Variants in PIM2 observed in about 807,000 individuals in gnomAD.
The protein encoded by PIM2 is serine/threonine-protein kinase pim-2.
A neutral mutation model predicts 18.0 loss-of-function variants in PIM2; 3 were observed. The observed-to-expected ratio is 0.17, with a 90% confidence interval of 0.08 to 0.43. The LOEUF is 0.43. PIM2 is among the 20% of genes least tolerant of loss of function. The probability of loss-of-function intolerance (pLI) is 0.99; values close to 1 mark genes in which losing one functional copy is unlikely to be tolerated. For missense variants in PIM2, 181 were observed against 260.8 expected (o/e 0.69, Z 2.11); for synonymous variants, 117 against 105.3 (o/e 1.11, Z -0.68).
At chrX:48,918,709 C>T in intron 1 of PIM2, 64 bp from the exon 2 acceptor site, 1 of 1,129,306 alleles carries the variant, frequency 8.9e-7, no homozygotes. Context: ...GACTCCCTCC[C>T]CCCGCGCTGC....
intron 3 of PIM2, chrX:48,915,710 T>G (rs988535517): frequency 1.5e-5 from 3 of 199,011 alleles, no homozygotes; most frequent in Admixed American, 7.3e-5. Context: ...CTGATGTGGG[T>G]GGATTGCTTG....
chrX:48,917,857 G>A (rs980893139), intron 2 of PIM2, 26 bp from the exon 3 acceptor site: 12 of 1,148,403 alleles, frequency 1.0e-5, no homozygotes, highest in Non-Finnish European at 1.4e-5. Flanking sequence ...GTGATAAGGA[G>A]GCCAGCAGGT....
Position 48,914,082 on chromosome X carries a change from A to C in PIM2, c.*49T>G, listed in dbSNP as rs782464088. ...GTCCATCTATCCCTGTGACATGGCC[A>C]TGGGATGGCTCTTCTGACCATTGGG... On this transcript the variant is annotated 3_prime_UTR_variant, in exon 6 of 6. Transcript: ENST00000376509. 1 of 786,356 alleles carries C rather than the reference A, an allele frequency of 1.3e-6. No individual in the cohort carries two copies. Among genetic ancestry groups the C allele is most frequent in the African/African-American group, 2.1e-5 (1 of 46,823 alleles). The allele number at this position is 786,356 out of a possible 1,213,427, so 64.8% of individuals were successfully genotyped here. A position where few individuals can be genotyped will look rare whatever the true frequency, so the allele number is the denominator to read the frequency against.
At chrX:48,918,707 C>G (rs1295247277) in intron 1 of PIM2, 62 bp from the exon 2 acceptor site, 2 of 1,124,187 alleles carry the variant, frequency 1.8e-6, no homozygotes, top group African/African-American at 3.6e-5. Context: ...ACGACTCCCT[C>G]CCCCCGCGCT....
Position 48,915,381 on chromosome X carries a change from G to T in PIM2, c.234C>A (p.Val78=). Residue 78 remains valine (V), a synonymous_variant, in exon 4 of 6, where the codon GTC becomes GTA. Coordinates refer to ENST00000376509, the MANE Select transcript of PIM2 (RefSeq NM_006875.4). ...VLGWSPLSDS[V]TCPLEVALLW... is the part of the protein sequence containing the mutation. ...GCAGTGCGACTTCGAGTGGGCATGT[G>T]ACTGAGTCTGACTGGGGGCACAGGT... 1.7e-6 allele frequency: 2 copies of T among 1,198,919 alleles called. No individual in the cohort carries two copies. Among genetic ancestry groups the T allele is most frequent in the Non-Finnish European group, 2.3e-6 (2 of 887,359 alleles).
intron 2 of PIM2, among the ~76,000 whole-genome samples, chrX:48,918,298 G>GCCCCCCCCCCCCCCCCCCC (rs11361543): frequency 4.0e-5 from 1 of 25,006 alleles, no homozygotes; most frequent in Non-Finnish European, 6.7e-5. Context: ...GAAGCCCCCT[G>GCCCCCCCCCCCCCCCCCCC]CCCCCCCCCC....
intron 3 of PIM2, among the ~76,000 whole-genome samples, chrX:48,916,640 G>T (rs1250053418): frequency 3.6e-5 from 4 of 112,089 alleles, no homozygotes; most frequent in Non-Finnish European, 7.5e-5. Flanking sequence ...ACTAGGTCAG[G>T]GGTTCGAGAC....
In PIM2 at chrX:48,918,639, T is replaced by C. The variant is rs1557045555; in HGVS notation, c.68A>G (p.Lys23Arg). ...PGTPTPPPGG[K>R]DREAFEAEYR... Reference sequence around the variant, plus strand: ...CTCGGCCTCGAACGCTTCCCGATCCTTGCCTCCTACGCAGGCGGAGGCGAG... The same window carrying C: ...CTCGGCCTCGAACGCTTCCCGATCCCTGCCTCCTACGCAGGCGGAGGCGAG... Residue 23 changes from lysine to arginine, a missense_variant, in exon 2 of 6, where the codon AAG becomes AGG. Around this residue, in one of 5 missense-constraint regions of PIM2, gnomAD observed 104 missense variants for 125.3 expected, o/e 0.83. Coordinates refer to ENST00000376509, the MANE Select transcript of PIM2 (RefSeq NM_006875.4). 1 of 1,194,499 alleles carries C rather than the reference T, an allele frequency of 8.4e-7. No homozygotes were observed. Among genetic ancestry groups the C allele is most frequent in the East Asian group, 3.0e-5 (1 of 33,465 alleles).
chrX:48,918,979 C>T lies in PIM2; in HGVS notation c.-145G>A, dbSNP rs1011056989. Reference sequence around the variant, plus strand: ...CTGGTGGCCCGGAAGCGCCCGCAGACGGCGCAGCGTTGAGATTCGCCGCGC... The same window carrying T: ...CTGGTGGCCCGGAAGCGCCCGCAGATGGCGCAGCGTTGAGATTCGCCGCGC... On this transcript the variant is annotated 5_prime_UTR_variant, in exon 1 of 6. Transcript: ENST00000376509. 2.6e-4 allele frequency: 126 copies of T among 485,626 alleles called. 1 individual carries two copies. Among genetic ancestry groups the T allele is most frequent in the Non-Finnish European group, 1.8e-4 (52 of 290,279 alleles). 40.0% of individuals were successfully genotyped at this position (485,626 alleles called of 1,213,427 possible). A position where few individuals can be genotyped will look rare whatever the true frequency, so the allele number is the denominator to read the frequency against.
Position 48,918,899 on chromosome X carries a change from G to A in PIM2, c.-65C>T. On this transcript the variant is annotated 5_prime_UTR_variant, in exon 1 of 6. Coordinates refer to ENST00000376509, the MANE Select transcript of PIM2 (RefSeq NM_006875.4). ...AAGCCCGCAGGGCGTGGACGCCCGGGGCAGCGCAGCTGGGGAGCCAGGGCT... is the reference window on the plus strand; with the variant it reads ...AAGCCCGCAGGGCGTGGACGCCCGGAGCAGCGCAGCTGGGGAGCCAGGGCT... The A allele has an allele frequency of 9.9e-7, 1 of 1,008,558 alleles. No individual in the cohort carries two copies. The highest frequency in any genetic ancestry group is 1.4e-6 in the Non-Finnish European group (1 of 737,917). The allele number at this position is 1,008,558 out of a possible 1,213,427, so 83.1% of individuals were successfully genotyped here.
chrX:48,918,737 C>T, intron 1 of PIM2, 37 bp downstream of exon 1: 4 of 1,171,378 alleles, frequency 3.4e-6, no homozygotes, highest in Middle Eastern at 2.5e-4. Context: ...CATTCCAGCC[C>T]ACCCCGTCTG....
intron 2 of PIM2, 132 bp downstream of exon 2, chrX:48,918,404 G>GACAC: frequency 5.1e-6 from 2 of 395,568 alleles, no homozygotes; most frequent in East Asian, 4.8e-5. Context: ...CACGGACACG[G>GACAC]ACACACACAC....
chrX:48,918,298 G>GCCCCCCCCCCCCCCCCC (rs11361543), intron 2 of PIM2, among the ~76,000 whole-genome samples: 8 of 25,006 alleles, frequency 3.2e-4, no homozygotes, highest in Admixed American at 1.2e-3. Context: ...GAAGCCCCCT[G>GCCCCCCCCCCCCCCCCC]CCCCCCCCCC....
chrX:48,916,438 G>A (rs932208816), intron 3 of PIM2, among the ~76,000 whole-genome samples: 2 of 112,991 alleles, frequency 1.8e-5, no homozygotes, highest in Non-Finnish European at 3.7e-5. Flanking sequence ...GTGGCCCTGC[G>A]CAGTGGCTCA....
At chrX:48,918,302 C>G (rs1196940029) in intron 2 of PIM2, among the ~76,000 whole-genome samples, 4 of 70,685 alleles carry the variant, frequency 5.7e-5, no homozygotes, top group East Asian at 1.2e-3. Context: ...CCCCCTGCCC[C>G]CCCCCCCCGC....
chrX:48,915,399 G>A lies in PIM2; in HGVS notation c.223-7C>T. ...GGCATGTGACTGAGTCTGACTGGGG[G>A]CACAGGTGGGGTGGGAAGCAGGGAG... On this transcript the variant is annotated splice_region_variant and splice_polypyrimidine_tract_variant and intron_variant, in intron 3 of 5. Coordinates refer to ENST00000376509, the MANE Select transcript of PIM2 (RefSeq NM_006875.4). The A allele has an allele frequency of 1.7e-6, 2 of 1,194,224 alleles. No individual in the cohort carries two copies. Among genetic ancestry groups the A allele is most frequent in the Middle Eastern group, 2.4e-4 (1 of 4,096 alleles).
chrX:48,915,000 G>A lies in PIM2; in HGVS notation c.595+20C>T. The A allele has an allele frequency of 8.5e-7, 1 of 1,180,706 alleles. No homozygotes were observed. Among genetic ancestry groups the A allele is most frequent in the Non-Finnish European group, 1.1e-6 (1 of 877,129 alleles). On this transcript the variant is annotated intron_variant, in intron 4 of 5. Transcript: ENST00000376509. ...ATCAAGTAAAAACAATCCCTCCAGGGAGATTTAGAGAAGCCTTACCATCAA... is the reference window on the plus strand; with the variant it reads ...ATCAAGTAAAAACAATCCCTCCAGGAAGATTTAGAGAAGCCTTACCATCAA...
At chrX:48,915,654 G>C (rs1189812426) in intron 3 of PIM2, 2 of 307,570 alleles carry the variant, frequency 6.5e-6, no homozygotes, top group Non-Finnish European at 1.1e-5. Flanking sequence ...AAAGAAGTTC[G>C]GCCAGGCACA....
Position 48,914,179 on chromosome X carries a change from G to A in PIM2, c.888C>T (p.Asn296=). 8.5e-7 allele frequency: 1 copy of A among 1,171,074 alleles called. No homozygotes were observed. Among genetic ancestry groups the A allele is most frequent in the Non-Finnish European group, 1.1e-6 (1 of 875,531 alleles). Residue 296 remains asparagine (N), a synonymous_variant, in exon 6 of 6, where the codon AAC becomes AAT. Transcript: ENST00000376509. ...AAGGGGCAGGGCCTCCTTTGGAGGG[G>A]TTGAGGGGTACATCCTCGGCTGGTG... ...MQTPAEDVPL[N]PSKGGPAPLA...
Sources: allele counts gnomAD v4.1 joint callset (sites outside exome capture counted in the v4.1 genomes callset), GRCh38; gene constraint gnomAD v4.1.1; regional missense constraint gnomAD v4.1.1; transcripts MANE v1.5; gene names NCBI Gene and HGNC (gene_info 2026-07-23, HGNC 2026-07-21).